Variants in ASCC1 observed in about 807,000 individuals in gnomAD.
The protein encoded by ASCC1 is ASC-1 complex subunit P50.
A neutral mutation model predicts 46.6 loss-of-function variants in ASCC1; 35 were observed. The ratio of observed to expected loss-of-function variants is 0.75; its 90% CI spans 0.57 to 0.99. The LOEUF is 0.99. Among genes scored for constraint, ASCC1 ranks in the 50% least tolerant of loss-of-function variants. The pLI, the probability that ASCC1 is intolerant of heterozygous loss-of-function variation, is 0.00. For synonymous variants in ASCC1, 143 were observed against 146.6 expected (o/e 0.98, Z 0.18); for missense variants, 376 against 428.7 (o/e 0.88, Z 1.09).
At position 72,103,512 on chromosome 10, in the gene ASCC1, G is replaced by A. The variant is rs187628023; in HGVS notation, c.958-6062C>T. ...AAGTAATTTGCCTAAAGACACACAC[G>A]AAGTTGATGGTGTTCAGGACTTCTC... On this transcript the variant is annotated intron_variant, in intron 9 of 9. Transcript: ENST00000672957. 1.6e-4 allele frequency among the ~76,000 whole-genome samples: 24 copies of A among 152,224 alleles called. No homozygotes were observed. The East Asian group carries it at 3.3e-3, about 21-fold the overall frequency.
chr10:72,184,037 G>A (rs1047828171), intron 5 of ASCC1, among the ~76,000 whole-genome samples: 4 of 152,092 alleles, frequency 2.6e-5, no homozygotes, highest in Non-Finnish European at 2.9e-5. Context: ...CCAGCTACTC[G>A]GGAGGCTGAG....
intron 9 of ASCC1, chr10:72,102,390 C>T: frequency 6.5e-7 from 1 of 1,549,984 alleles, no homozygotes; most frequent in South Asian, 1.2e-5. Context: ...CTGGTAGGCT[C>T]TGAGAATATG....
chr10:72,175,254 A>G (rs1230704843), intron 5 of ASCC1, among the ~76,000 whole-genome samples: 1 of 152,228 alleles, frequency 6.6e-6, no homozygotes, highest in Non-Finnish European at 1.5e-5. Flanking sequence ...CTTCTGTCTC[A>G]GGTTTGCTCT....
intron 5 of ASCC1, among the ~76,000 whole-genome samples, chr10:72,178,053 G>A (rs1852077411): frequency 6.6e-6 from 1 of 152,198 alleles, no homozygotes; most frequent in Non-Finnish European, 1.5e-5. Context: ...AGCCAAGGGT[G>A]AGGTCAAGGA....
At chr10:72,183,162 G>A (rs902676274) in intron 5 of ASCC1, among the ~76,000 whole-genome samples, 6 of 150,718 alleles carry the variant, frequency 4.0e-5, no homozygotes, top group African/African-American at 1.2e-4. Context: ...CCCTGCCTCC[G>A]CCTCCTGAGT....
intron 6 of ASCC1, among the ~76,000 whole-genome samples, chr10:72,156,028 T>C (rs1032218430): frequency 4.6e-5 from 7 of 152,238 alleles, no homozygotes; most frequent in African/African-American, 1.4e-4. Context: ...TGGATATTTG[T>C]CCCTGCCCAA....
At chr10:72,170,247 G>C (rs1850897722) in intron 5 of ASCC1, among the ~76,000 whole-genome samples, 1 of 151,980 alleles carries the variant, frequency 6.6e-6, no homozygotes, top group African/African-American at 2.4e-5. Context: ...TCGGTTGAAA[G>C]GTAAAAATAT....
chr10:72,107,163 T>C (rs1410621371), intron 9 of ASCC1, among the ~76,000 whole-genome samples: 1 of 151,138 alleles, frequency 6.6e-6, no homozygotes, highest in Admixed American at 6.6e-5. Context: ...AAGATACAAA[T>C]ACCAGACTAA....
chr10:72,167,966 G>C (rs2132786351), intron 5 of ASCC1, among the ~76,000 whole-genome samples: 1 of 152,210 alleles, frequency 6.6e-6, no homozygotes, highest in African/African-American at 2.4e-5. Context: ...CGAGGCAGGG[G>C]GATCACGAGG....
At chr10:72,111,321 C>T (rs1231188316) in intron 9 of ASCC1, among the ~76,000 whole-genome samples, 1 of 151,898 alleles carries the variant, frequency 6.6e-6, no homozygotes, top group East Asian at 1.9e-4. Flanking sequence ...GACATCTCTA[C>T]AAAAAAATAC....
chr10:72,191,109 G>A lies in ASCC1; in HGVS notation c.489+5702C>T, dbSNP rs539258143. On this transcript the variant is annotated intron_variant, in intron 5 of 9. Coordinates refer to ENST00000672957, the MANE Select transcript of ASCC1 (RefSeq NM_001198800.3). The stretch of plus-strand genomic sequence containing the variant: ...GTCTCGCTCTGTCGCCCAGGCTGGA[G>A]TGCAGTGGCGCGATCTCGGCTCACT... 4.4e-3 allele frequency among the ~76,000 whole-genome samples: 654 copies of A among 150,242 alleles called. 10 individuals carry two copies. The highest frequency in any genetic ancestry group is 0.015 in the African/African-American group (623 of 40,962).
chr10:72,103,760 T>C lies in ASCC1; in HGVS notation c.958-6310A>G, dbSNP rs539227593. Among the ~76,000 whole-genome samples the C allele has an allele frequency of 2.7e-4, 41 of 152,242 alleles. 1 individual carries two copies. The highest frequency in any genetic ancestry group is 1.7e-3 in the South Asian group (8 of 4,830). ...AGGAATATCCTTATCTGTGAAGACA[T>C]AGAGCATAGAAAAGAATCCGAACAA... On this transcript the variant is annotated intron_variant, in intron 9 of 9. Coordinates refer to ENST00000672957, the MANE Select transcript of ASCC1 (RefSeq NM_001198800.3).
intron 9 of ASCC1, among the ~76,000 whole-genome samples, chr10:72,108,484 A>G (rs952679216): frequency 6.6e-6 from 1 of 152,252 alleles, no homozygotes; most frequent in South Asian, 2.1e-4. Context: ...AGAAAATGTT[A>G]TAATCCTACT....
At chr10:72,154,597 T>G (rs1848732931) in intron 6 of ASCC1, among the ~76,000 whole-genome samples, 2 of 151,640 alleles carry the variant, frequency 1.3e-5, no homozygotes. Flanking sequence ...GTTCAAGCAA[T>G]TCTTGTGCCT....
At chr10:72,149,812 T>C (rs150418891) in intron 7 of ASCC1, among the ~76,000 whole-genome samples, 1 of 152,320 alleles carries the variant, frequency 6.6e-6, no homozygotes, top group Non-Finnish European at 1.5e-5. Flanking sequence ...TGTGATCTCC[T>C]ATAAAGTAAC....
chr10:72,152,770 C>T lies in ASCC1; in HGVS notation c.746+99G>A. ...AGAGAAATAATTAACATGTTCTTTA[C>T]AATAAGAACTCAAAGAAAAGGAATC... On this transcript the variant is annotated intron_variant, in intron 7 of 9. Coordinates refer to ENST00000672957, the MANE Select transcript of ASCC1 (RefSeq NM_001198800.3). 2.9e-6 allele frequency: 4 copies of T among 1,376,724 alleles called. No homozygotes were observed. The South Asian group carries it at 3.6e-5, about 13-fold the overall frequency. The allele number at this position is 1,376,724 out of a possible 1,614,324, so 85.3% of individuals were successfully genotyped here.
At chr10:72,206,194 C>A (rs1272845125) in intron 3 of ASCC1, among the ~76,000 whole-genome samples, 1 of 151,410 alleles carries the variant, frequency 6.6e-6, no homozygotes, top group Non-Finnish European at 1.5e-5. Context: ...CACCTGAGGT[C>A]AGGAGTTGGA....
intron 9 of ASCC1, among the ~76,000 whole-genome samples, chr10:72,112,269 T>C (rs563070748): frequency 6.6e-5 from 10 of 152,220 alleles, no homozygotes; most frequent in Non-Finnish European, 1.3e-4. Context: ...TTCTGACATA[T>C]GCTACAACAT....
At chr10:72,102,435 CAG>C (rs763259558) in intron 9 of ASCC1, 1 of 1,536,634 alleles carries the variant, frequency 6.5e-7, no homozygotes, top group Non-Finnish European at 8.8e-7. Flanking sequence ...TAAGTGGAAA[CAG>C]ATCACTATAA....
Sources: allele counts gnomAD v4.1 joint callset (sites outside exome capture counted in the v4.1 genomes callset), GRCh38; gene constraint gnomAD v4.1.1; transcripts MANE v1.5; gene names NCBI Gene and HGNC (gene_info 2026-07-23, HGNC 2026-07-21).